Variants in ATXN10 observed in about 807,000 individuals in gnomAD.
The protein encoded by ATXN10 is ataxin 10, also known as ataxin-10.
ATXN10 carries 28 observed loss-of-function variants against 52.9 expected under a neutral mutation model. The observed-to-expected ratio is 0.53, with a 90% CI of 0.39 to 0.73. The LOEUF (loss-of-function observed/expected upper bound fraction) is 0.73, where lower values mean the gene tolerates loss of function less well. Among genes scored for constraint, ATXN10 ranks in the 30% least tolerant of loss-of-function variants. ATXN10 has a pLI of 0.00. For missense variants in ATXN10, 565 were observed against 577.0 expected, an observed-to-expected ratio of 0.98 and a Z score of 0.21; for synonymous variants, 226 against 221.5, an observed-to-expected ratio of 1.02 and a Z score of -0.18.
rs116666950 is a variant in ATXN10 at position 45,684,603 on chromosome 22, C to T, written c.117-5109C>T. On this transcript the variant is annotated intron_variant, in intron 1 of 11. Coordinates refer to ENST00000252934, the MANE Select transcript of ATXN10 (RefSeq NM_013236.4). This position sits in a 1 kb window ranked among gnomAD's most constrained non-coding sequence, Gnocchi z 4.1. ...CTTGTTTAGGTGTTTCCTGTGGCTG[C>T]GTTTGTGCACTGGGGGAGTTGAGAG... 7.7e-3 allele frequency among the ~76,000 whole-genome samples: 1,176 copies of T among 152,206 alleles called. 13 individuals are homozygous for T. Among genetic ancestry groups the T allele is most frequent in the African/African-American group, 0.027 (1,116 of 41,502 alleles).
At chr22:45,799,714 G>C (rs955950541) in intron 9 of ATXN10, among the ~76,000 whole-genome samples, 2 of 152,100 alleles carry the variant, frequency 1.3e-5, no homozygotes, top group Non-Finnish European at 2.9e-5. Context: ...TATACCATTT[G>C]GTTTGTGGTA....
chr22:45,745,024 C>T (rs564464604), intron 9 of ATXN10, among the ~76,000 whole-genome samples: 1 of 152,062 alleles, frequency 6.6e-6, no homozygotes, highest in Non-Finnish European at 1.5e-5. Flanking sequence ...TTGTTCTCGA[C>T]TTGTGTAGTA....
At chr22:45,749,926 G>A (rs5765603) in intron 9 of ATXN10, among the ~76,000 whole-genome samples, 85,655 of 151,816 alleles carry the variant, frequency 0.56, 25,597 homozygotes, top group South Asian at 0.72. Context: ...GCGTATTTCC[G>A]AGAAGCATAA....
rs140723616 is a variant in ATXN10 at position 45,768,885 on chromosome 22, G to A, written c.1173+28347G>A. ...GGCTCTTAGGTAATATTAAGAAATT[G>A]TAATTAATCTTTCTAGGCAAAACAA... On this transcript the variant is annotated intron_variant, in intron 9 of 11. Coordinates refer to ENST00000252934, the MANE Select transcript of ATXN10 (RefSeq NM_013236.4). Among the ~76,000 whole-genome samples, 1,472 of 152,264 alleles carry A rather than the reference G, an allele frequency of 9.7e-3. 13 individuals carry two copies. Among genetic ancestry groups the A allele is most frequent in the Non-Finnish European group, 0.012 (787 of 68,032 alleles).
chr22:45,741,857 G>A (rs752155678), intron 9 of ATXN10, among the ~76,000 whole-genome samples: 2 of 152,148 alleles, frequency 1.3e-5, no homozygotes, highest in Non-Finnish European at 2.9e-5. Flanking sequence ...ATTGATGCTT[G>A]GAAGAAGGGA....
intron 9 of ATXN10, among the ~76,000 whole-genome samples, chr22:45,743,305 T>G (rs556213762): frequency 6.6e-6 from 1 of 152,204 alleles, no homozygotes; most frequent in South Asian, 2.1e-4. Context: ...ACCTCTGGGA[T>G]TTTTTTCCTC....
At position 45,766,717 on chromosome 22, in the gene ATXN10, C is replaced by G. The variant is rs1569056233; in HGVS notation, c.1173+26179C>G. 6.6e-6 allele frequency among the ~76,000 whole-genome samples: 1 copy of G among 151,938 alleles called. No individual in the cohort carries two copies. The highest frequency in any genetic ancestry group is 1.5e-5 in the Non-Finnish European group (1 of 68,000). On this transcript the variant is annotated intron_variant, in intron 9 of 11. Coordinates refer to ENST00000252934, the MANE Select transcript of ATXN10 (RefSeq NM_013236.4). The surrounding 1 kb of genome is among the most constrained non-coding windows in gnomAD (Gnocchi z 4.6). ...AGTTGGATGACAAGAAGCAAATAAG[C>G]ACATAAAATGATAAAGAAAAAATAG...
chr22:45,815,712 C>T (rs1928436158), intron 10 of ATXN10, among the ~76,000 whole-genome samples: 2 of 152,016 alleles, frequency 1.3e-5, no homozygotes, highest in Admixed American at 6.6e-5. Context: ...GTTAAAGTAG[C>T]TGGTCCAAGC....
At position 45,816,480 on chromosome 22, in the gene ATXN10, T is replaced by A. The variant is rs1029947599; in HGVS notation, c.1237+9458T>A. Among the ~76,000 whole-genome samples the A allele has an allele frequency of 1.3e-5, 2 of 152,166 alleles. No individual in the cohort carries two copies. The highest frequency in any genetic ancestry group is 2.9e-5 in the Non-Finnish European group (2 of 68,040). ...TCCATTTGGCGTGTTATAGTTGGGT[T>A]GGGTGGCTGTGCCTCTCCCTGAACA... On this transcript the variant is annotated intron_variant, in intron 10 of 11. Coordinates refer to ENST00000252934, the MANE Select transcript of ATXN10 (RefSeq NM_013236.4). This position sits in a 1 kb window ranked among gnomAD's most constrained non-coding sequence, Gnocchi z 5.8.
chr22:45,715,492 T>C lies in ATXN10; in HGVS notation c.648-2921T>C, dbSNP rs547484971. Among the ~76,000 whole-genome samples the C allele has an allele frequency of 1.3e-5, 2 of 152,374 alleles. No homozygotes were observed. The highest frequency in any genetic ancestry group is 4.8e-5 in the African/African-American group (2 of 41,588). ...CTTTGAATGCTACCTAACACAAATT[T>C]GTGAACTTTCTTATAACATGAGTTG... On this transcript the variant is annotated intron_variant, in intron 5 of 11. Transcript: ENST00000252934. The surrounding 1 kb of genome is among the most constrained non-coding windows in gnomAD (Gnocchi z 4.4).
intron 7 of ATXN10, chr22:45,734,471 C>A: frequency 5.5e-6 from 1 of 180,710 alleles, no homozygotes; most frequent in Non-Finnish European, 1.2e-5. Context: ...GCCTTGTAGT[C>A]GTTTTTTGTT....
At chr22:45,810,151 T>C (rs1928234262) in intron 10 of ATXN10, among the ~76,000 whole-genome samples, 1 of 152,230 alleles carries the variant, frequency 6.6e-6, no homozygotes, top group Non-Finnish European at 1.5e-5. Flanking sequence ...CACAATTGTC[T>C]TGGCCCTAGT....
Position 45,759,204 on chromosome 22 carries a change from A to G in ATXN10, c.1173+18666A>G, listed in dbSNP as rs1926287467. Among the ~76,000 whole-genome samples the G allele has an allele frequency of 6.6e-6, 1 of 152,196 alleles. No homozygotes were observed. Among genetic ancestry groups the G allele is most frequent in the African/African-American group, 2.4e-5 (1 of 41,456 alleles). The stretch of plus-strand genomic sequence containing the variant: ...CAAGTAACTTGAAGCTTAGAGGGAC[A>G]ATGATAAATAGTAAAAGATTCTAGA... On this transcript the variant is annotated intron_variant, in intron 9 of 11. Coordinates refer to ENST00000252934, the MANE Select transcript of ATXN10 (RefSeq NM_013236.4). The surrounding 1 kb of genome is among the most constrained non-coding windows in gnomAD (Gnocchi z 5.4).
chr22:45,751,763 A>AATAATAAT lies in ATXN10; in HGVS notation c.1173+11226_1173+11227insTAATAATA, dbSNP rs1925975532. On this transcript the variant is annotated intron_variant, in intron 9 of 11. Coordinates refer to ENST00000252934, the MANE Select transcript of ATXN10 (RefSeq NM_013236.4). ...TGGAAAAAAAAAAAAAATAAAAAAAAAATAATAATAATAATAATAATAATA... is the reference window on the plus strand; with the variant it reads ...TGGAAAAAAAAAAAAAATAAAAAAAAATAATAATAATAATAATAATAATAATAATAATA... Among the ~76,000 whole-genome samples, 4 of 66,614 alleles carry AATAATAAT rather than the reference A, an allele frequency of 6.0e-5. No homozygotes were observed. In the East Asian group the frequency reaches 9.2e-4, roughly 15 times the overall value. 43.7% of individuals were successfully genotyped at this position (66,614 alleles called of 152,430 possible).
chr22:45,784,009 G>C lies in ATXN10; in HGVS notation c.1174-22950G>C, dbSNP rs1306570730. On this transcript the variant is annotated intron_variant, in intron 9 of 11. Transcript: ENST00000252934. This position sits in a 1 kb window ranked among gnomAD's most constrained non-coding sequence, Gnocchi z 4.2. ...CTGACTGCTTTGCAGGCCGTCCCCTGTCCTACAGCAGGCCAGGTCTGTGTC... is the reference window on the plus strand; with the variant it reads ...CTGACTGCTTTGCAGGCCGTCCCCTCTCCTACAGCAGGCCAGGTCTGTGTC... 6.6e-6 allele frequency among the ~76,000 whole-genome samples: 1 copy of C among 152,096 alleles called. No individual in the cohort carries two copies. The highest frequency in any genetic ancestry group is 1.9e-4 in the East Asian group (1 of 5,174).
rs1410471640 is a variant in ATXN10 at position 45,820,913 on chromosome 22, A to G, written c.1237+13891A>G. Among the ~76,000 whole-genome samples the G allele has an allele frequency of 6.6e-6, 1 of 152,220 alleles. No individual in the cohort carries two copies. Among genetic ancestry groups the G allele is most frequent in the African/African-American group, 2.4e-5 (1 of 41,454 alleles). ...ACAGAAGCCAGGGAAAAGCACGAAT[A>G]GAAATGGTTCGAGTTTCTATGAGAA... is the stretch of plus-strand genomic sequence containing the variant. On this transcript the variant is annotated intron_variant, in intron 10 of 11. Coordinates refer to ENST00000252934, the MANE Select transcript of ATXN10 (RefSeq NM_013236.4). This position sits in a 1 kb window ranked among gnomAD's most constrained non-coding sequence, Gnocchi z 4.9.
At chr22:45,675,006 T>A (rs1235172221) in intron 1 of ATXN10, 3 of 152,212 alleles carry the variant, frequency 2.0e-5, no homozygotes, top group Non-Finnish European at 2.9e-5. Flanking sequence ...TTTCTTTCCT[T>A]GAAAACGGGA....
At chr22:45,717,749 T>C (rs1924500495) in intron 5 of ATXN10, among the ~76,000 whole-genome samples, 2 of 152,216 alleles carry the variant, frequency 1.3e-5, no homozygotes, top group African/African-American at 4.8e-5. Context: ...TATAACCTGG[T>C]TATAATCAGT....
chr22:45,803,516 G>A (rs573816101), intron 9 of ATXN10, among the ~76,000 whole-genome samples: 28 of 152,244 alleles, frequency 1.8e-4, no homozygotes, highest in African/African-American at 6.5e-4. Context: ...TCAATCTGGC[G>A]TGGAGATGCA....
Sources: allele counts gnomAD v4.1 joint callset (sites outside exome capture counted in the v4.1 genomes callset), GRCh38; gene constraint gnomAD v4.1.1; non-coding constraint Gnocchi (gnomAD v3.1); transcripts MANE v1.5; gene names NCBI Gene and HGNC (gene_info 2026-07-23, HGNC 2026-07-21).